NXPE2: variants seen among roughly 807,000 people sequenced by gnomAD.
The protein encoded by NXPE2 is neurexophilin and PC-esterase domain family member 2.
In NXPE2, 34 loss-of-function variants were observed where a neutral mutation model predicts 34.4. The ratio of observed to expected loss-of-function variants is 0.99; its 90% CI spans 0.75 to 1.31. The LOEUF (loss-of-function observed/expected upper bound fraction) is 1.31. Among genes scored for constraint, NXPE2 ranks in the 40% most tolerant of loss-of-function variants. The pLI is 0.00. For missense variants in NXPE2, 649 were observed against 672.5 expected, an observed-to-expected ratio of 0.97 and a Z score of 0.39; for synonymous variants, 235 against 231.3, an observed-to-expected ratio of 1.02 and a Z score of -0.15.
chr11:114,782,172 G>GTATAGACACA, the NXPE2 span, among the ~76,000 whole-genome samples: 1 of 152,226 alleles, frequency 6.6e-6, no homozygotes, highest in Non-Finnish European at 1.5e-5. Flanking sequence ...TACAGGTTCA[G>GTATAGACACA]TATAGACACA....
chr11:114,505,879 C>A, the NXPE2 span, among the ~76,000 whole-genome samples: 291 of 152,076 alleles, frequency 1.9e-3, no homozygotes, highest in African/African-American at 6.8e-3. Flanking sequence ...CCAATAATAA[C>A]CTTGAATGTA....
At chr11:114,793,391 C>T in the NXPE2 span, among the ~76,000 whole-genome samples, 1 of 152,014 alleles carries the variant, frequency 6.6e-6, no homozygotes, top group Non-Finnish European at 1.5e-5. Context: ...AAGACAAGGC[C>T]CTTGTCCACA....
At chr11:114,795,381 G>T in the NXPE2 span, among the ~76,000 whole-genome samples, 42 of 152,278 alleles carry the variant, frequency 2.8e-4, no homozygotes, top group African/African-American at 9.9e-4. Flanking sequence ...GCTCTCCAAG[G>T]CTTGGCTCAA....
chr11:114,541,353 A>G, the NXPE2 span, among the ~76,000 whole-genome samples: 3 of 152,256 alleles, frequency 2.0e-5, no homozygotes, highest in African/African-American at 4.8e-5. Flanking sequence ...AACAGCTATT[A>G]TAACTATGCT....
At chr11:114,587,469 T>G in the NXPE2 span, among the ~76,000 whole-genome samples, 1 of 152,204 alleles carries the variant, frequency 6.6e-6, no homozygotes, top group Admixed American at 6.5e-5. Flanking sequence ...TCTCTCAAGA[T>G]CCATCTATTG....
the NXPE2 span, among the ~76,000 whole-genome samples, chr11:114,605,607 C>G: frequency 6.6e-6 from 1 of 151,722 alleles, no homozygotes; most frequent in Non-Finnish European, 1.5e-5. Flanking sequence ...ACCACTGTTA[C>G]CCGGTGGATA....
At chr11:114,686,525 G>C (rs1316844638) in intron 2 of NXPE2, among the ~76,000 whole-genome samples, 1 of 152,078 alleles carries the variant, frequency 6.6e-6, no homozygotes, top group Non-Finnish European at 1.5e-5. Flanking sequence ...CCATTGTTGG[G>C]CACCTGGGTT....
chr11:114,596,437 C>T, the NXPE2 span, among the ~76,000 whole-genome samples: 1 of 152,138 alleles, frequency 6.6e-6, no homozygotes. Context: ...AGGGCATGCC[C>T]ATCATCTTTC....
At chr11:114,490,959 G>A in the NXPE2 span, among the ~76,000 whole-genome samples, 17 of 150,646 alleles carry the variant, frequency 1.1e-4, no homozygotes, top group African/African-American at 4.2e-4. Context: ...TCAGGAGATC[G>A]AGACCATCCT....
chr11:114,788,416 C>T, the NXPE2 span, among the ~76,000 whole-genome samples: 22 of 152,182 alleles, frequency 1.4e-4, no homozygotes, highest in South Asian at 6.2e-4. Flanking sequence ...GAAGGGCACA[C>T]GCCTGTGGCC....
At chr11:114,587,421 A>G in the NXPE2 span, among the ~76,000 whole-genome samples, 2 of 152,342 alleles carry the variant, frequency 1.3e-5, no homozygotes, top group Non-Finnish European at 2.9e-5. Flanking sequence ...TGCATTCTCT[A>G]TTAAAGGGCA....
the NXPE2 span, among the ~76,000 whole-genome samples, chr11:114,805,530 C>G: frequency 2.6e-5 from 4 of 152,342 alleles, no homozygotes; most frequent in East Asian, 7.7e-4. Context: ...AATGGCATAC[C>G]AGGAGATTAT....
At chr11:114,806,572 G>A in the NXPE2 span, among the ~76,000 whole-genome samples, 74 of 152,338 alleles carry the variant, frequency 4.9e-4, no homozygotes, top group East Asian at 5.6e-3. Context: ...TAGCCGATGC[G>A]ATCAACTGGA....
chr11:114,769,638 A>G, the NXPE2 span, among the ~76,000 whole-genome samples: 9,160 of 152,262 alleles, frequency 0.06, 881 homozygotes, highest in African/African-American at 0.21. Context: ...GCCATAAAAA[A>G]GGATGGGTTC....
At chr11:114,633,104 T>C in the NXPE2 span, among the ~76,000 whole-genome samples, 1 of 122,796 alleles carries the variant, frequency 8.1e-6, no homozygotes, top group African/African-American at 3.3e-5. Context: ...TTTATATATT[T>C]TACATTATAT....
At chr11:114,554,098 T>G in the NXPE2 span, 1 of 985,344 alleles carries the variant, frequency 1.0e-6, no homozygotes, top group African/African-American at 1.7e-5. Context: ...TCTGACTCAC[T>G]TGTCTCCTCT....
chr11:114,672,102 A>G, the NXPE2 span, among the ~76,000 whole-genome samples: 1 of 151,986 alleles, frequency 6.6e-6, no homozygotes, highest in South Asian at 2.1e-4. Flanking sequence ...ACCAGATCTC[A>G]TGAGAACTCT....
the NXPE2 span, among the ~76,000 whole-genome samples, chr11:114,631,787 C>T: frequency 6.6e-6 from 1 of 151,004 alleles, no homozygotes; most frequent in Non-Finnish European, 1.5e-5. Flanking sequence ...CATGAGTAAT[C>T]ACTGTTACCC....
the NXPE2 span, among the ~76,000 whole-genome samples, chr11:114,544,627 A>G: frequency 1.3e-5 from 2 of 152,192 alleles, no homozygotes; most frequent in Non-Finnish European, 2.9e-5. Context: ...TTTCTGGAAG[A>G]AAACACACAT....
Sources: gnomAD v4.1 joint callset for allele counts (sites outside exome capture counted in the v4.1 genomes callset) on GRCh38, gnomAD v4.1.1 for gene constraint, MANE v1.5 for transcripts, NCBI Gene and HGNC (gene_info 2026-07-23, HGNC 2026-07-21) for gene names.